The following DLGAP1 variants were observed in gnomAD, a reference collection of about 807,000 sequenced individuals.
DLGAP1 encodes the protein disks large-associated protein 1.
In DLGAP1, 11 loss-of-function variants were observed where a neutral mutation model predicts 90.8. The observed-to-expected ratio is 0.12, with a 90% CI of 0.08 to 0.20. DLGAP1 has a LOEUF of 0.20. DLGAP1 is among the 10% of genes least tolerant of loss of function. The pLI is 1.00. For missense variants in DLGAP1, 1,050 were observed against 1,333.8 expected (o/e 0.79, Z 3.31); for synonymous variants, 558 against 540.7 (o/e 1.03, Z -0.44).
chr18:3,794,109 T>C (rs1174453564), intron 5 of DLGAP1, among the ~76,000 whole-genome samples: 2 of 152,272 alleles, frequency 1.3e-5, no homozygotes, highest in South Asian at 2.1e-4. Flanking sequence ...AAATGCTTCA[T>C]TCCTAACTCT....
chr18:4,012,132 T>C (rs7230434), intron 2 of DLGAP1, among the ~76,000 whole-genome samples: 39,505 of 151,972 alleles, frequency 0.26, 6,250 homozygotes, highest in African/African-American at 0.45. Flanking sequence ...CTGCTTCCAG[T>C]CTCAGTGCCA....
intron 7 of DLGAP1, among the ~76,000 whole-genome samples, chr18:3,664,695 T>C (rs1277489077): frequency 2.0e-5 from 3 of 152,166 alleles, no homozygotes; most frequent in Admixed American, 6.5e-5. Context: ...ATTATTTGAT[T>C]GACGCTAGTC....
At chr18:4,063,288 GT>G (rs2075325042) in intron 2 of DLGAP1, among the ~76,000 whole-genome samples, 1 of 152,014 alleles carries the variant, frequency 6.6e-6, no homozygotes, top group African/African-American at 2.4e-5. Context: ...TCTATGAAGG[GT>G]TTTGTTTCCA....
intron 3 of DLGAP1, chr18:3,978,269 G>A (rs60979383): frequency 0.04 from 16,151 of 404,528 alleles, 764 homozygotes; most frequent in African/African-American, 0.16. Flanking sequence ...TGACCCTTTT[G>A]GTACCCCCTG....
At chr18:3,882,702 G>A (rs1261364270) in intron 3 of DLGAP1, among the ~76,000 whole-genome samples, 1 of 152,002 alleles carries the variant, frequency 6.6e-6, no homozygotes, top group African/African-American at 2.4e-5. Flanking sequence ...CGGATCTTCC[G>A]GAGTTTTAGT....
chr18:3,697,909 T>C (rs2061148535), intron 7 of DLGAP1, among the ~76,000 whole-genome samples: 1 of 152,228 alleles, frequency 6.6e-6, no homozygotes, highest in Non-Finnish European at 1.5e-5. Context: ...TAGCTCTTCT[T>C]GTTGCATTGA....
intron 1 of DLGAP1, among the ~76,000 whole-genome samples, chr18:4,401,030 A>G (rs1197002668): frequency 6.6e-6 from 1 of 152,240 alleles, no homozygotes; most frequent in Non-Finnish European, 1.5e-5. Context: ...AAAATACTCC[A>G]AATTACTTAG....
chr18:3,991,797 T>C (rs2073974171), intron 3 of DLGAP1, among the ~76,000 whole-genome samples: 1 of 152,246 alleles, frequency 6.6e-6, no homozygotes, highest in Non-Finnish European at 1.5e-5. Context: ...CTGCATTACA[T>C]ATAGAATTTT....
chr18:3,594,653 G>C (rs1334886101), intron 7 of DLGAP1, among the ~76,000 whole-genome samples: 1 of 152,010 alleles, frequency 6.6e-6, no homozygotes, highest in Non-Finnish European at 1.5e-5. Context: ...GGGGATTTTC[G>C]TTGTTGTTGT....
chr18:4,411,233 T>C (rs2082770412), intron 1 of DLGAP1, among the ~76,000 whole-genome samples: 1 of 152,132 alleles, frequency 6.6e-6, no homozygotes, highest in African/African-American at 2.4e-5. Context: ...AGAGGGTTGG[T>C]ACAAGGAATA....
chr18:4,338,474 C>T (rs2081119853), intron 1 of DLGAP1, among the ~76,000 whole-genome samples: 1 of 152,128 alleles, frequency 6.6e-6, no homozygotes, highest in Non-Finnish European at 1.5e-5. Context: ...TTAAATGACC[C>T]TGGGCATGTA....
In DLGAP1 at chr18:4,449,913, C is replaced by T. The variant is rs902910349; in HGVS notation, c.-267+5093G>A. ...AATCAAGTGAGTCTTATCTGAACTA[C>T]CTAGGCAAGGATTCACAGGAAAGAC... On this transcript the variant is annotated intron_variant, in intron 1 of 12. Transcript: ENST00000315677. Among the ~76,000 whole-genome samples, 6 of 152,260 alleles carry T rather than the reference C, an allele frequency of 3.9e-5. No individual in the cohort carries two copies. The East Asian group carries it at 9.7e-4, about 25-fold the overall frequency.
chr18:4,337,094 A>G (rs1259856653), intron 1 of DLGAP1, among the ~76,000 whole-genome samples: 1 of 150,316 alleles, frequency 6.7e-6, no homozygotes, highest in Non-Finnish European at 1.5e-5. Context: ...AGCCTGGGCG[A>G]CAGAGTGAGA....
At chr18:4,282,199 C>T (rs947815271) in intron 1 of DLGAP1, among the ~76,000 whole-genome samples, 2 of 151,808 alleles carry the variant, frequency 1.3e-5, no homozygotes, top group Non-Finnish European at 2.9e-5. Context: ...TCCGTCTCTA[C>T]TAAAAATACA....
chr18:4,102,279 C>T (rs544568503), intron 2 of DLGAP1, among the ~76,000 whole-genome samples: 159 of 152,168 alleles, frequency 1.0e-3, no homozygotes, highest in African/African-American at 3.5e-3. Context: ...TTTTGAGAAA[C>T]GATTTTTGTC....
At chr18:4,063,274 A>G (rs2075324698) in intron 2 of DLGAP1, among the ~76,000 whole-genome samples, 1 of 152,090 alleles carries the variant, frequency 6.6e-6, no homozygotes, top group African/African-American at 2.4e-5. Flanking sequence ...GGAGTTTACT[A>G]CAATCTATGA....
intron 7 of DLGAP1, among the ~76,000 whole-genome samples, chr18:3,611,658 G>A (rs762662389): frequency 2.6e-5 from 4 of 152,094 alleles, no homozygotes; most frequent in Non-Finnish European, 4.4e-5. Flanking sequence ...CTTACCACGC[G>A]TTTCTCAGGG....
intron 6 of DLGAP1, among the ~76,000 whole-genome samples, chr18:3,732,693 T>A (rs928961202): frequency 1.3e-5 from 2 of 152,198 alleles, no homozygotes; most frequent in African/African-American, 4.8e-5. Context: ...TTTGGGGGTC[T>A]TTTTGACATG....
chr18:3,627,514 C>A (rs1044292349), intron 7 of DLGAP1, among the ~76,000 whole-genome samples: 3 of 151,962 alleles, frequency 2.0e-5, no homozygotes, highest in African/African-American at 7.3e-5. Context: ...CAGTCCTACA[C>A]GCTATCCGGA....
Sources: allele counts gnomAD v4.1 joint callset (sites outside exome capture counted in the v4.1 genomes callset), GRCh38; gene constraint gnomAD v4.1.1; transcripts MANE v1.5; gene names NCBI Gene and HGNC (gene_info 2026-07-23, HGNC 2026-07-21).